LCTL: variants seen among roughly 807,000 people sequenced by gnomAD.
LCTL encodes lactase-like protein.
LCTL carries 76 observed loss-of-function variants against 75.8 expected under a neutral mutation model. That is an observed-to-expected ratio of 1.00 (90% confidence interval 0.83 to 1.21). LCTL has a LOEUF of 1.21. Among genes scored for constraint, LCTL ranks in the 50% most tolerant of loss-of-function variants. The pLI, the probability that LCTL is intolerant of heterozygous loss-of-function variation, is 0.00. For missense variants in LCTL, 670 were observed against 712.4 expected (o/e 0.94, Z 0.68); for synonymous variants, 271 against 268.8 (o/e 1.01, Z -0.08).
At chr15:66,558,961 G>A (rs1895814114) in intron 6 of LCTL, among the ~76,000 whole-genome samples, 1 of 151,860 alleles carries the variant, frequency 6.6e-6, no homozygotes, top group South Asian at 2.1e-4. Flanking sequence ...CTCCCAAAGT[G>A]CTGGAATTGC....
exon 8 of LCTL, chr15:66,557,867 T>A: frequency 6.2e-7 from 1 of 1,613,976 alleles, no homozygotes. Flanking sequence ...CACAGTTCAA[T>A]GAAATTCCCA....
At chr15:66,553,336 A>T (rs1342957973) in intron 8 of LCTL, 78 bp from the exon 10 acceptor site, 20 of 1,185,130 alleles carry the variant, frequency 1.7e-5, no homozygotes, top group Non-Finnish European at 2.3e-5. Context: ...GACGATAGTG[A>T]CATCTTGACA....
At chr15:66,557,982 C>G in exon 7 of LCTL, 1 of 1,607,446 alleles carries the variant, frequency 6.2e-7, no homozygotes, top group Non-Finnish European at 8.5e-7. Flanking sequence ...CACAGCTCAC[C>G]TTGCTGCTTG....
intron 1 of LCTL, 57 bp from the exon 3 acceptor site, chr15:66,564,896 G>A: frequency 1.3e-6 from 2 of 1,538,778 alleles, no homozygotes; most frequent in South Asian, 1.2e-5. Context: ...CCCAGAGCCA[G>A]GACTCTGGGC....
At chr15:66,557,162 C>T (rs1330190926) in intron 8 of LCTL, among the ~76,000 whole-genome samples, 2 of 152,140 alleles carry the variant, frequency 1.3e-5, no homozygotes, top group Non-Finnish European at 2.9e-5. Context: ...GCTAGATTAC[C>T]TAGCCCTGCA....
chr15:66,563,577 T>C (rs756343153), exon 4 of LCTL: 2 of 1,612,616 alleles, frequency 1.2e-6, no homozygotes, highest in East Asian at 2.2e-5. Context: ...CAGAAGGGCA[T>C]CGATAAGATC....
chr15:66,551,563 TG>T, intron 11 of LCTL, 98 bp downstream of exon 12: 1 of 936,822 alleles, frequency 1.1e-6, no homozygotes, highest in Non-Finnish European at 1.7e-6. Context: ...TCCTCTTTCA[TG>T]GAGGAAAGAG....
rs201924044 is a variant in LCTL at position 66,565,407 on chromosome 15, T to C, written c.-42A>G. Reference sequence around the variant, plus strand: ...CCATACCTGAAAAAGTGCAGCTGGCTCTGCAGGCCCCTGCAGCCAGGCTGA... The same window carrying C: ...CCATACCTGAAAAAGTGCAGCTGGCCCTGCAGGCCCCTGCAGCCAGGCTGA... On this transcript the variant is annotated 5_prime_UTR_variant, in exon 1 of 13. Coordinates refer to ENST00000341509, the Ensembl canonical transcript of LCTL. 1 of 1,301,574 alleles carries C rather than the reference T, an allele frequency of 7.7e-7. No individual in the cohort carries two copies. Among genetic ancestry groups the C allele is most frequent in the Admixed American group, 2.1e-5 (1 of 46,810 alleles). The allele number at this position is 1,301,574 out of a possible 1,614,324, so 80.6% of individuals were successfully genotyped here. A position where few individuals can be genotyped will look rare whatever the true frequency, so the allele number is the denominator to read the frequency against.
exon 13 of LCTL, chr15:66,548,404 C>A: frequency 1.7e-6 from 1 of 574,582 alleles, no homozygotes; most frequent in Non-Finnish European, 3.0e-6. Context: ...AACCTGAAAA[C>A]AGCAATGTAT....
At chr15:66,554,282 C>CT (rs1895690255) in intron 8 of LCTL, among the ~76,000 whole-genome samples, 1 of 119,296 alleles carries the variant, frequency 8.4e-6, no homozygotes, top group Non-Finnish European at 1.6e-5. Flanking sequence ...CAGAGCAAGA[C>CT]TGTCTCAAAA....
exon 1 of LCTL, chr15:66,565,423 GC>G: frequency 8.6e-7 from 1 of 1,157,632 alleles, no homozygotes; most frequent in Non-Finnish European, 1.2e-6. Context: ...GGCCCCTGCA[GC>G]CAGGCTGATG....
intron 7 of LCTL, 37 bp from the exon 9 acceptor site, chr15:66,557,920 G>T: frequency 6.2e-7 from 1 of 1,610,056 alleles, no homozygotes; most frequent in Non-Finnish European, 8.5e-7. Flanking sequence ...TGGGGAGTGG[G>T]CATGCCATTG....
chr15:66,547,566 C>T (rs1029804354), exon 13 of LCTL: 13 of 151,768 alleles, frequency 8.6e-5, no homozygotes, highest in Admixed American at 3.3e-4. Context: ...ATAAAAAAGA[C>T]GATATTGAGT....
chr15:66,557,679 A>G (rs1895770302), intron 8 of LCTL, 43 bp downstream of exon 9: 1 of 1,591,282 alleles, frequency 6.3e-7, no homozygotes, highest in African/African-American at 1.3e-5. Flanking sequence ...TGGGCTCAAT[A>G]ACTTGCCCTA....
chr15:66,558,868 G>A (rs978181868), intron 6 of LCTL, among the ~76,000 whole-genome samples: 2 of 148,780 alleles, frequency 1.3e-5, no homozygotes, highest in African/African-American at 5.0e-5. Flanking sequence ...GCTAATTTTT[G>A]TACTTTTAGT....
intron 8 of LCTL, among the ~76,000 whole-genome samples, chr15:66,554,906 G>T (rs1173692423): frequency 1.3e-5 from 2 of 152,212 alleles, no homozygotes; most frequent in Non-Finnish European, 2.9e-5. Context: ...TGCTTCTGGG[G>T]AGGGAGAGAG....
chr15:66,565,123 C>T, intron 1 of LCTL, 125 bp downstream of exon 2: 1 of 755,750 alleles, frequency 1.3e-6, no homozygotes, highest in Non-Finnish European at 2.3e-6. Flanking sequence ...TTAGAACAAC[C>T]ACACAAAGGT....
At chr15:66,560,956 A>G (rs758119272) in intron 6 of LCTL, 50 bp downstream of exon 7, 1 of 1,564,388 alleles carries the variant, frequency 6.4e-7, no homozygotes, top group East Asian at 2.2e-5. Context: ...CCCCTGGGGC[A>G]GGCTGAGCTG....
chr15:66,553,134 G>A (rs1168942950), exon 9 of LCTL: 6 of 1,611,960 alleles, frequency 3.7e-6, no homozygotes, highest in Middle Eastern at 1.6e-4. Context: ...TCCTTTCCGT[G>A]ATGTACCGAG....
Sources: gnomAD v4.1 joint callset for allele counts (sites outside exome capture counted in the v4.1 genomes callset) on GRCh38, gnomAD v4.1.1 for gene constraint, MANE v1.5 for transcripts, NCBI Gene and HGNC (gene_info 2026-07-23, HGNC 2026-07-21) for gene names.